WDR27: variants seen among roughly 807,000 people sequenced by gnomAD.
WDR27 encodes the protein WD repeat-containing protein 27.
Under a neutral mutation model 114.4 loss-of-function variants are expected in WDR27, and 100 were observed. The ratio of observed to expected loss-of-function variants is 0.87; its 90% CI spans 0.74 to 1.03. The LOEUF (loss-of-function observed/expected upper bound fraction) is 1.03. WDR27 is among the 50% of genes least tolerant of loss of function. The probability of loss-of-function intolerance (pLI) is 0.00; values close to 1 mark genes in which losing one functional copy is unlikely to be tolerated. For synonymous variants in WDR27, 449 were observed against 423.1 expected (o/e 1.06, Z -0.75); for missense variants, 1,129 against 1,092.9 (o/e 1.03, Z -0.47).
Position 169,648,000 on chromosome 6 carries a change from T to C in WDR27, c.1560-130A>G. ...AATCGTATTCCAGTAAACTTGAATA[T>C]TTATCTATATGTCTATATTTAGACT... On this transcript the variant is annotated intron_variant, in intron 15 of 25. Transcript: ENST00000448612. The C allele has an allele frequency of 1.1e-5, 7 of 613,872 alleles. No individual in the cohort carries two copies. In the South Asian group the frequency reaches 1.4e-4, roughly 12 times the overall value. 38.0% of individuals were successfully genotyped at this position (613,872 alleles called of 1,614,324 possible).
chr6:169,620,761 C>A (rs562495900), intron 21 of WDR27, among the ~76,000 whole-genome samples: 6 of 152,108 alleles, frequency 3.9e-5, no homozygotes, highest in Non-Finnish European at 8.8e-5. Context: ...CTAAACTGAC[C>A]GAGACCTGTC....
At chr6:169,564,704 A>ATG (rs1562591427) in intron 25 of WDR27, among the ~76,000 whole-genome samples, 3 of 89,318 alleles carry the variant, frequency 3.4e-5, no homozygotes, top group African/African-American at 8.3e-5. Context: ...ACTGGCTCCC[A>ATG]CGAGACTCTC....
chr6:169,666,667 G>A lies in WDR27; in HGVS notation c.712+469C>T, dbSNP rs576161097. 1.9e-5 allele frequency: 19 copies of A among 986,122 alleles called. No individual in the cohort carries two copies. In the South Asian group the frequency reaches 6.6e-4, roughly 34 times the overall value. 61.1% of individuals were successfully genotyped at this position (986,122 alleles called of 1,614,324 possible). A position where few individuals can be genotyped will look rare whatever the true frequency, so the allele number is the denominator to read the frequency against. On this transcript the variant is annotated intron_variant, in intron 6 of 25. Coordinates refer to ENST00000448612, the MANE Select transcript of WDR27 (RefSeq NM_182552.5). ...TGCCAGCTTCATTTACCAACAGAAA[G>A]CCATCTGAGGGAAGAACGCAAGGAC...
rs1379510677 is a variant in WDR27, at chr6:169,659,660, GCAC to G, written c.1130-145_1130-143del. The G allele has an allele frequency of 5.4e-6, 4 of 739,638 alleles. No individual in the cohort carries two copies. The highest frequency in any genetic ancestry group is 2.7e-5 in the East Asian group (1 of 37,014). The allele number at this position is 739,638 out of a possible 1,614,324, so 45.8% of individuals were successfully genotyped here. ...CCCCACCACACACTTTGCAGGCTGT[GCAC>G]CACATCCTCACACATACAAGGCCCC... is the stretch of plus-strand genomic sequence containing the variant. On this transcript the variant is annotated intron_variant, in intron 10 of 25. Coordinates refer to ENST00000448612, the MANE Select transcript of WDR27 (RefSeq NM_182552.5). The surrounding 1 kb of genome is among the most constrained non-coding windows in gnomAD (Gnocchi z 4.3).
chr6:169,664,078 C>T (rs1827105611), intron 8 of WDR27, 88 bp downstream of exon 8: 3 of 1,238,740 alleles, frequency 2.4e-6, no homozygotes, highest in South Asian at 3.1e-5. Flanking sequence ...ATCTCTCTCT[C>T]CCCTGTGTGA....
chr6:169,527,965 T>A (rs1795139741), intron 25 of WDR27, among the ~76,000 whole-genome samples: 1 of 152,114 alleles, frequency 6.6e-6, no homozygotes, highest in East Asian at 1.9e-4. Flanking sequence ...TATGACAAAT[T>A]TGGCATTTCT....
chr6:169,657,648 G>A (rs1265805410), intron 13 of WDR27: 8 of 152,484 alleles, frequency 5.2e-5, no homozygotes, highest in African/African-American at 2.4e-5. Flanking sequence ...TTGAAAGAAA[G>A]GGAACATAAT....
chr6:169,496,586 A>T (rs561421077), intron 25 of WDR27, among the ~76,000 whole-genome samples: 1 of 152,216 alleles, frequency 6.6e-6, no homozygotes, highest in Admixed American at 6.5e-5. Context: ...AAATGAATAT[A>T]GCAAAGTAGC....
At chr6:169,609,093 C>T (rs983737694) in intron 22 of WDR27, among the ~76,000 whole-genome samples, 6 of 151,820 alleles carry the variant, frequency 4.0e-5, no homozygotes, top group African/African-American at 9.7e-5. Flanking sequence ...TTCCCATGGT[C>T]GTGGGCAGCT....
chr6:169,508,121 G>A (rs1792253401), intron 25 of WDR27, among the ~76,000 whole-genome samples: 1 of 152,182 alleles, frequency 6.6e-6, no homozygotes, highest in Non-Finnish European at 1.5e-5. Context: ...CTCCAGTGGA[G>A]CTGAAAGGAC....
intron 24 of WDR27, among the ~76,000 whole-genome samples, chr6:169,581,259 C>G (rs1028737290): frequency 3.2e-4 from 48 of 152,036 alleles, no homozygotes; most frequent in Non-Finnish European, 5.9e-5. Flanking sequence ...CATTTTGATG[C>G]CAAATACTGA....
chr6:169,678,337 C>T (rs1434324811), intron 2 of WDR27, among the ~76,000 whole-genome samples: 1 of 152,198 alleles, frequency 6.6e-6, no homozygotes, highest in East Asian at 1.9e-4. Context: ...AATTTTGGAG[C>T]TTTATGATTT....
intron 25 of WDR27, among the ~76,000 whole-genome samples, chr6:169,472,111 A>T (rs1274306990): frequency 6.6e-6 from 1 of 152,206 alleles, no homozygotes; most frequent in African/African-American, 2.4e-5. Context: ...ATCCATCAGT[A>T]GCTTCCTAGG....
chr6:169,665,524 C>A lies in WDR27; in HGVS notation c.745G>T (p.Glu249Ter). Residue 249 changes from glutamate to a stop codon, truncating the protein, a stop_gained, in exon 7 of 26, where the codon GAA becomes TAA. Transcript: ENST00000448612. LOFTEE classifies it high-confidence loss of function. The part of the protein sequence containing the change: ...YPLLSLFIDA[E>*]SRQLVTGCAD... The stretch of plus-strand genomic sequence containing the variant: ...CACCCGGTGACCAGCTGCCTGCTTT[C>A]TGCATCAATGAATAAACTGAGAAGA... 1 of 1,613,800 alleles carries A rather than the reference C, an allele frequency of 6.2e-7. No homozygotes were observed. Among genetic ancestry groups the A allele is most frequent in the South Asian group, 1.1e-5 (1 of 91,054 alleles).
intron 25 of WDR27, among the ~76,000 whole-genome samples, chr6:169,505,365 A>G (rs1562506084): frequency 6.6e-6 from 1 of 152,242 alleles, no homozygotes; most frequent in Non-Finnish European, 1.5e-5. Flanking sequence ...TGAGGGCAAT[A>G]ATAATAAAAG....
At position 169,630,526 on chromosome 6, in the gene WDR27, T is replaced by C. The variant is rs1816067908; in HGVS notation, c.2223+2421A>G. On this transcript the variant is annotated intron_variant, in intron 21 of 25. Coordinates refer to ENST00000448612, the MANE Select transcript of WDR27 (RefSeq NM_182552.5). ...AGTAGGTCAGATTTATACTTTAACA[T>C]TCTACATCCAAATATTAGCTATCAA... Among the ~76,000 whole-genome samples, 4 of 152,360 alleles carry C rather than the reference T, an allele frequency of 2.6e-5. No individual in the cohort carries two copies. The South Asian group carries it at 8.3e-4, about 32-fold the overall frequency.
At chr6:169,508,511 T>G (rs1792311430) in intron 25 of WDR27, among the ~76,000 whole-genome samples, 1 of 152,224 alleles carries the variant, frequency 6.6e-6, no homozygotes, top group Admixed American at 6.5e-5. Context: ...GTTACTGTAC[T>G]ACTTAGTTGT....
chr6:169,656,077 C>A (rs944534554), intron 13 of WDR27, among the ~76,000 whole-genome samples: 8 of 152,040 alleles, frequency 5.3e-5, no homozygotes, highest in African/African-American at 1.9e-4. Flanking sequence ...AGAGGGCAGC[C>A]CCCTACCCTC....
chr6:169,476,272 G>A (rs187184805), intron 25 of WDR27, among the ~76,000 whole-genome samples: 2 of 152,302 alleles, frequency 1.3e-5, no homozygotes, highest in Admixed American at 6.5e-5. Flanking sequence ...CAGGGCTTGT[G>A]GCTCTTGAAT....
Sources: gnomAD v4.1 joint callset for allele counts (sites outside exome capture counted in the v4.1 genomes callset) on GRCh38, gnomAD v4.1.1 for gene constraint, Gnocchi (gnomAD v3.1) non-coding constraint, MANE v1.5 for transcripts, NCBI Gene and HGNC (gene_info 2026-07-23, HGNC 2026-07-21) for gene names.